Variants in KATNIP observed in about 807,000 individuals in gnomAD.
The protein encoded by KATNIP is katanin interacting protein.
A neutral mutation model predicts 174.0 loss-of-function variants in KATNIP; 126 were observed. The observed-to-expected ratio is 0.72, with a 90% CI of 0.63 to 0.84. The LOEUF is 0.84. Among genes scored for constraint, KATNIP ranks in the 40% least tolerant of loss-of-function variants. The pLI is 0.00. For missense variants in KATNIP, 1,958 were observed against 2,109.7 expected (o/e 0.93, Z 1.41); for synonymous variants, 810 against 835.7 (o/e 0.97, Z 0.53).
intron 13 of KATNIP, among the ~76,000 whole-genome samples, chr16:27,710,843 G>A (rs990166592): frequency 6.6e-5 from 10 of 152,128 alleles, no homozygotes; most frequent in African/African-American, 2.4e-4. Context: ...ATACCACTGG[G>A]AAAAGTAGTT....
Position 27,690,043 on chromosome 16 carries a change from G to A in KATNIP, c.941-8285G>A, listed in dbSNP as rs552042155. On this transcript the variant is annotated intron_variant, in intron 8 of 27. Coordinates refer to ENST00000261588, the MANE Select transcript of KATNIP (RefSeq NM_015202.5). ...CAGGGCCGGCTGCAGTGCCTCATGCGTGTAAGCCTAGCACTTTGGGAGTCC... is the reference window on the plus strand; with the variant it reads ...CAGGGCCGGCTGCAGTGCCTCATGCATGTAAGCCTAGCACTTTGGGAGTCC... 6.8e-4 allele frequency among the ~76,000 whole-genome samples: 104 copies of A among 152,170 alleles called. 1 individual carries two copies. The highest frequency in any genetic ancestry group is 2.4e-3 in the African/African-American group (99 of 41,514).
rs972642708 is a variant in KATNIP at position 27,776,806 on chromosome 16, C to G, written c.4450-122C>G. 4 of 691,356 alleles carry G rather than the reference C, an allele frequency of 5.8e-6. No individual in the cohort carries two copies. The highest frequency in any genetic ancestry group is 1.0e-5 in the Non-Finnish European group (4 of 386,090). 42.8% of individuals were successfully genotyped at this position (691,356 alleles called of 1,614,324 possible). Reference sequence around the variant, plus strand: ...AAAGGGGGCGGAACTCCAGGCTGGCCCACGTGGCAGGCGCTGCCTTGGGCA... The same window carrying G: ...AAAGGGGGCGGAACTCCAGGCTGGCGCACGTGGCAGGCGCTGCCTTGGGCA... On this transcript the variant is annotated intron_variant, in intron 24 of 27. Coordinates refer to ENST00000261588, the MANE Select transcript of KATNIP (RefSeq NM_015202.5). The surrounding 1 kb of genome is among the most constrained non-coding windows in gnomAD (Gnocchi z 4.7).
chr16:27,701,729 C>T (rs1310310206), intron 11 of KATNIP, 34 bp downstream of exon 11: 4 of 1,426,630 alleles, frequency 2.8e-6, no homozygotes, highest in South Asian at 2.4e-5. Context: ...CCCGAAACCC[C>T]TTAGCAGTGC....
chr16:27,778,091 C>T (rs116965970), intron 27 of KATNIP, 122 bp downstream of exon 27: 1 of 818,216 alleles, frequency 1.2e-6, no homozygotes, highest in Non-Finnish European at 1.9e-6. Flanking sequence ...TCTCCTCTGC[C>T]CAGGAGCCTG....
At position 27,774,871 on chromosome 16, in the gene KATNIP, C is replaced by T. The variant is rs372136366; in HGVS notation, c.4310-74C>T. The stretch of plus-strand genomic sequence containing the variant: ...GCCAGCCCCAGAGTCCCCCGAGCCA[C>T]GCCATCAGCCTGAGGGTGGCTGGCA... On this transcript the variant is annotated intron_variant, in intron 23 of 27. Transcript: ENST00000261588. 788 of 1,574,902 alleles carry T rather than the reference C, an allele frequency of 5.0e-4. 4 individuals carry two copies. The African/African-American group carries it at 8.9e-3, about 18-fold the overall frequency.
chr16:27,759,924 G>A (rs768095805), intron 18 of KATNIP, among the ~76,000 whole-genome samples: 9 of 152,204 alleles, frequency 5.9e-5, no homozygotes, highest in African/African-American at 1.4e-4. Context: ...GCAGGGTGCC[G>A]TGCTGGCCAC....
In KATNIP at chr16:27,773,200, T is replaced by C. The variant is rs1217754390; in HGVS notation, c.4300T>C (p.Ser1434Pro). The C allele has an allele frequency of 2.5e-6, 4 of 1,606,586 alleles. 1 individual carries two copies. In the South Asian group the frequency reaches 4.5e-5, roughly 18 times the overall value. Residue 1434 changes from serine (S) to proline (P), a missense_variant, in exon 23 of 28, where the codon TCG becomes CCG. Around this residue, in one of 3 missense-constraint regions of KATNIP, gnomAD observed 383 missense variants for 456.0 expected, o/e 0.84. Transcript: ENST00000261588. ...YDERGEKIPL[S>P]ENNIAAFPDS... ...CGAGCGAGGAGAAAAAATCCCCTTG[T>C]CGGAAAACAGTATCCTTTGTAGGAC...
intron 20 of KATNIP, among the ~76,000 whole-genome samples, chr16:27,767,105 T>A (rs1005632451): frequency 6.6e-6 from 1 of 151,918 alleles, no homozygotes; most frequent in Admixed American, 6.6e-5. Context: ...CTCAGGTGAC[T>A]GAATGGGTGC....
intron 1 of KATNIP, among the ~76,000 whole-genome samples, chr16:27,561,533 C>T (rs1013531056): frequency 6.6e-6 from 1 of 152,150 alleles, no homozygotes; most frequent in African/African-American, 2.4e-5. Flanking sequence ...CCTTGACCAC[C>T]CTTAGCAGTG....
At chr16:27,775,178 G>T (rs1597433067) in intron 24 of KATNIP, 94 bp downstream of exon 24, 7 of 1,461,850 alleles carry the variant, frequency 4.8e-6, no homozygotes, top group East Asian at 2.4e-5. Flanking sequence ...TTTCTTCCAG[G>T]TCAAGTTAAT....
chr16:27,708,648 G>T, intron 12 of KATNIP, 57 bp from the exon 13 acceptor site: 2 of 1,433,940 alleles, frequency 1.4e-6, no homozygotes, highest in Non-Finnish European at 1.9e-6. Flanking sequence ...CAGAGGCAGA[G>T]CCGAATTCAA....
intron 6 of KATNIP, among the ~76,000 whole-genome samples, chr16:27,652,085 G>A (rs563787915): frequency 2.3e-4 from 35 of 152,294 alleles, no homozygotes; most frequent in African/African-American, 8.2e-4. Context: ...CCTTACTTAG[G>A]TGTGTGTGCT....
chr16:27,609,874 T>G (rs980527465), intron 2 of KATNIP, among the ~76,000 whole-genome samples: 1 of 152,032 alleles, frequency 6.6e-6, no homozygotes, highest in African/African-American at 2.4e-5. Context: ...GTATTTTTAG[T>G]AGAGATGAGG....
intron 17 of KATNIP, 117 bp from the exon 18 acceptor site, chr16:27,754,056 A>C (rs1464474309): frequency 6.1e-6 from 5 of 822,164 alleles, no homozygotes; most frequent in Admixed American, 2.0e-5. Context: ...GAAAACACAC[A>C]AGGACTTACC....
chr16:27,644,048 G>A (rs549432365), intron 5 of KATNIP, among the ~76,000 whole-genome samples: 58 of 127,842 alleles, frequency 4.5e-4, no homozygotes, highest in African/African-American at 1.6e-3. Flanking sequence ...TTTAAGCAGG[G>A]TCTTACTCTG....
At chr16:27,657,498 C>A (rs529487652) in intron 6 of KATNIP, among the ~76,000 whole-genome samples, 1 of 151,852 alleles carries the variant, frequency 6.6e-6, no homozygotes, top group Admixed American at 6.6e-5. Context: ...GAGGACGAGG[C>A]GGGTGGATCA....
At chr16:27,753,417 C>T (rs1439838769) in intron 17 of KATNIP, among the ~76,000 whole-genome samples, 2 of 152,126 alleles carry the variant, frequency 1.3e-5, no homozygotes, top group Non-Finnish European at 2.9e-5. Flanking sequence ...GTAAGGGACT[C>T]TGATGGGCCC....
At chr16:27,618,579 C>A in intron 3 of KATNIP, 78 bp downstream of exon 3, 2 of 1,004,838 alleles carry the variant, frequency 2.0e-6, no homozygotes, top group Non-Finnish European at 3.1e-6. Context: ...AGCAGGCAGG[C>A]CCTGCCTCAC....
intron 3 of KATNIP, among the ~76,000 whole-genome samples, chr16:27,626,964 CA>C (rs1195795602): frequency 0.036 from 3,324 of 92,530 alleles, 115 homozygotes; most frequent in African/African-American, 0.11. Flanking sequence ...GACTCCGTCT[CA>C]AAAAAAAAAA....
Sources: gnomAD v4.1 joint callset for allele counts (sites outside exome capture counted in the v4.1 genomes callset) on GRCh38, gnomAD v4.1.1 for gene constraint, gnomAD v4.1.1 regional missense constraint, Gnocchi (gnomAD v3.1) non-coding constraint, MANE v1.5 for transcripts, NCBI Gene and HGNC (gene_info 2026-07-23, HGNC 2026-07-21) for gene names.